MRPL21: variants seen among roughly 807,000 people sequenced by gnomAD.
MRPL21 encodes the protein mitochondrial ribosomal protein L21, also known as large ribosomal subunit protein bL21m.
MRPL21 carries 20 observed loss-of-function variants against 27.3 expected under a neutral mutation model. The ratio of observed to expected loss-of-function variants is 0.73; its 90% CI spans 0.52 to 1.06. MRPL21 has a LOEUF of 1.06. MRPL21 is among the 50% of genes least tolerant of loss of function. MRPL21 has a pLI of 0.00. For synonymous variants in MRPL21, 98 were observed against 101.5 expected (o/e 0.97, Z 0.21); for missense variants, 249 against 251.4 (o/e 0.99, Z 0.06).
chr11:68,892,121 T>C (rs1422643342), intron 6 of MRPL21: 29 of 1,060,988 alleles, frequency 2.7e-5, no homozygotes, highest in Non-Finnish European at 3.3e-5. Context: ...CGAGGTGGGT[T>C]CACGCGCGGA....
At chr11:68,894,887 T>C (rs946462101) in intron 4 of MRPL21, among the ~76,000 whole-genome samples, 6 of 152,202 alleles carry the variant, frequency 3.9e-5, no homozygotes, top group Non-Finnish European at 2.9e-5. Context: ...GAGCTTTAAT[T>C]CATAAAGAAA....
rs141180997 is a variant in MRPL21 at position 68,897,398 on chromosome 11, C to A, written c.232+529G>T. Among the ~76,000 whole-genome samples, 362 of 152,328 alleles carry A rather than the reference C, an allele frequency of 2.4e-3. 3 individuals are homozygous for A. Among genetic ancestry groups the A allele is most frequent in the African/African-American group, 7.9e-3 (329 of 41,566 alleles). ...CCAGCACCGAGGGTGAAACTCTTGG[C>A]AGACTTGTTTCACTCGCACGGAATC... On this transcript the variant is annotated intron_variant, in intron 3 of 6. Coordinates refer to ENST00000362034, the MANE Select transcript of MRPL21 (RefSeq NM_181514.2).
chr11:68,898,718 T>C (rs1408500775), intron 2 of MRPL21, among the ~76,000 whole-genome samples: 1 of 152,150 alleles, frequency 6.6e-6, no homozygotes, highest in Non-Finnish European at 1.5e-5. Flanking sequence ...GTGCTCAGTC[T>C]CAGCAGCTAT....
intron 1 of MRPL21, 91 bp downstream of exon 1, chr11:68,903,632 C>T (rs1594411274): frequency 1.5e-6 from 2 of 1,324,210 alleles, no homozygotes; most frequent in East Asian, 2.3e-5. Flanking sequence ...ACACACAAGG[C>T]ACCAGGTCGG....
At chr11:68,893,228 G>C (rs1416173605) in intron 5 of MRPL21, 175 bp downstream of exon 5, 1 of 1,421,056 alleles carries the variant, frequency 7.0e-7, no homozygotes. Flanking sequence ...CCAATAATTT[G>C]GTCTGGATGT....
At chr11:68,896,402 C>T in intron 4 of MRPL21, 113 bp downstream of exon 4, 4 of 1,352,386 alleles carry the variant, frequency 3.0e-6, no homozygotes, top group Non-Finnish European at 3.1e-6. Context: ...GCTTTGTTGG[C>T]CTCCACCTGA....
At chr11:68,894,050 AAC>A (rs1857720669) in intron 4 of MRPL21, among the ~76,000 whole-genome samples, 2 of 152,128 alleles carry the variant, frequency 1.3e-5, no homozygotes, top group Admixed American at 1.3e-4. Context: ...AACAAAAAAA[AAC>A]AAAACCCTTT....
chr11:68,898,143 C>G (rs748532432), intron 2 of MRPL21, 131 bp from the exon 3 acceptor site: 374 of 742,284 alleles, frequency 5.0e-4, no homozygotes, highest in Non-Finnish European at 6.3e-4. Context: ...TCGGACAGGC[C>G]CCGCCCCTCT....
intron 3 of MRPL21, 85 bp from the exon 4 acceptor site, chr11:68,896,763 G>A: frequency 1.3e-6 from 2 of 1,561,816 alleles, no homozygotes; most frequent in Non-Finnish European, 1.7e-6. Flanking sequence ...CTGGTGGTGG[G>A]GCCCTAGGGT....
At chr11:68,893,047 C>T in intron 5 of MRPL21, 54 bp from the exon 6 acceptor site, 2 of 1,478,338 alleles carry the variant, frequency 1.4e-6, no homozygotes, top group Non-Finnish European at 1.8e-6. Flanking sequence ...TTTTCAAATG[C>T]CTTAGGTGAG....
chr11:68,898,672 G>A (rs1490455954), intron 2 of MRPL21, among the ~76,000 whole-genome samples: 1 of 152,200 alleles, frequency 6.6e-6, no homozygotes, highest in Non-Finnish European at 1.5e-5. Context: ...GTTCACAGCC[G>A]GTCCCAGCAT....
At chr11:68,903,201 C>A (rs970605783) in intron 1 of MRPL21, among the ~76,000 whole-genome samples, 1 of 152,164 alleles carries the variant, frequency 6.6e-6, no homozygotes, top group Non-Finnish European at 1.5e-5. Flanking sequence ...CACAAATACA[C>A]ACTCCAACCA....
At chr11:68,903,351 C>T (rs796388386) in intron 1 of MRPL21, among the ~76,000 whole-genome samples, 1 of 152,154 alleles carries the variant, frequency 6.6e-6, no homozygotes, top group South Asian at 2.1e-4. Flanking sequence ...ATTTTTCAGA[C>T]CAGCTCGCAG....
At chr11:68,900,047 G>A (rs1246333978) in intron 2 of MRPL21, among the ~76,000 whole-genome samples, 1 of 152,226 alleles carries the variant, frequency 6.6e-6, no homozygotes, top group Non-Finnish European at 1.5e-5. Context: ...CCACCAGTGA[G>A]TGGAACTTTG....
intron 1 of MRPL21, among the ~76,000 whole-genome samples, chr11:68,901,145 C>T (rs553293310): frequency 5.9e-5 from 9 of 152,278 alleles, no homozygotes; most frequent in African/African-American, 1.4e-4. Flanking sequence ...GTCCACATGG[C>T]GGGGAACTAG....
intron 4 of MRPL21, among the ~76,000 whole-genome samples, chr11:68,894,322 C>G (rs2154005550): frequency 6.6e-6 from 1 of 152,196 alleles, no homozygotes; most frequent in South Asian, 2.1e-4. Context: ...GCTCTGTCAC[C>G]CAGGCTGGAG....
intron 6 of MRPL21, chr11:68,891,983 T>C (rs1857656675): frequency 1.1e-6 from 1 of 881,680 alleles, no homozygotes; most frequent in African/African-American, 1.7e-5. Context: ...CTACACCTGC[T>C]TGCGGATTCA....
chr11:68,893,026 T>C, intron 5 of MRPL21, 33 bp from the exon 6 acceptor site: 1 of 1,508,732 alleles, frequency 6.6e-7, no homozygotes, highest in Non-Finnish European at 8.8e-7. Flanking sequence ...ATAATGTACC[T>C]TTTGGATTAT....
intron 4 of MRPL21, 47 bp from the exon 5 acceptor site, chr11:68,893,502 G>C: frequency 6.2e-7 from 1 of 1,612,222 alleles, no homozygotes; most frequent in East Asian, 2.2e-5. Context: ...ATTACGATGA[G>C]TAAGAACAGT....
Sources: allele counts gnomAD v4.1 joint callset (sites outside exome capture counted in the v4.1 genomes callset), GRCh38; gene constraint gnomAD v4.1.1; transcripts MANE v1.5; gene names NCBI Gene and HGNC (gene_info 2026-07-23, HGNC 2026-07-21).